PTPRC: variants seen among roughly 807,000 people sequenced by gnomAD.
The protein encoded by PTPRC is protein tyrosine phosphatase receptor type C, also known as receptor-type tyrosine-protein phosphatase C.
In PTPRC, 44 loss-of-function variants were observed where a neutral mutation model predicts 155.9. The ratio of observed to expected loss-of-function variants is 0.28; its 90% confidence interval spans 0.22 to 0.36. The LOEUF (loss-of-function observed/expected upper bound fraction) is 0.36. Among genes scored for constraint, PTPRC ranks in the 10% least tolerant of loss-of-function variants. PTPRC has a pLI of 1.00. For missense variants in PTPRC, 1,401 were observed against 1,564.6 expected, an observed-to-expected ratio of 0.90 and a Z score of 1.76; for synonymous variants, 525 against 533.1, an observed-to-expected ratio of 0.98 and a Z score of 0.21.
intron 23 of PTPRC, among the ~76,000 whole-genome samples, chr1:198,738,729 A>G (rs1171155564): frequency 6.6e-6 from 1 of 151,716 alleles, no homozygotes; most frequent in Non-Finnish European, 1.5e-5. Flanking sequence ...AATTGGTACT[A>G]GTTCTTCTTT....
intron 25 of PTPRC, 105 bp from the exon 26 acceptor site, chr1:198,743,949 G>A: frequency 4.4e-6 from 5 of 1,133,110 alleles, no homozygotes; most frequent in Non-Finnish European, 6.5e-6. Context: ...GCCATGAATT[G>A]TTCCAATATG....
At chr1:198,726,360 A>G (rs1224375333) in intron 15 of PTPRC, among the ~76,000 whole-genome samples, 1 of 152,206 alleles carries the variant, frequency 6.6e-6, no homozygotes, top group Non-Finnish European at 1.5e-5. Flanking sequence ...GCCTATTGCA[A>G]TAAGAACTTC....
At chr1:198,739,698 T>C (rs909477155) in intron 23 of PTPRC, among the ~76,000 whole-genome samples, 1 of 151,802 alleles carries the variant, frequency 6.6e-6, no homozygotes, top group East Asian at 1.9e-4. Context: ...CAAAGAAACA[T>C]TGGTCTTAAT....
chr1:198,750,773 C>T (rs1655346307), intron 29 of PTPRC, 147 bp downstream of exon 29: 2 of 1,055,500 alleles, frequency 1.9e-6, no homozygotes, highest in Admixed American at 3.8e-5. Flanking sequence ...CCCCTTTCAC[C>T]CTGGTGTTGG....
intron 2 of PTPRC, among the ~76,000 whole-genome samples, chr1:198,667,878 G>A (rs924621052): frequency 1.3e-5 from 2 of 152,158 alleles, no homozygotes; most frequent in Middle Eastern, 6.3e-3. Flanking sequence ...TCTAGGCAGT[G>A]CACAGCAAGA....
chr1:198,649,659 C>T (rs1663135928), intron 2 of PTPRC, among the ~76,000 whole-genome samples: 2 of 151,642 alleles, frequency 1.3e-5, no homozygotes, highest in Admixed American at 6.6e-5. Context: ...TCAGTTTCCT[C>T]GTGTGTAAAA....
At chr1:198,650,503 A>C (rs114659396) in intron 2 of PTPRC, among the ~76,000 whole-genome samples, 12 of 151,846 alleles carry the variant, frequency 7.9e-5, no homozygotes, top group African/African-American at 2.7e-4. Context: ...ATTTTAGAGA[A>C]TGACTTTTTT....
intron 24 of PTPRC, 69 bp from the exon 25 acceptor site, chr1:198,742,163 T>C (rs754669811): frequency 5.3e-5 from 86 of 1,607,542 alleles, no homozygotes; most frequent in Non-Finnish European, 7.1e-5. Context: ...GCTTAGATTC[T>C]TATATTGGCT....
At chr1:198,659,240 C>G (rs1465998157) in intron 2 of PTPRC, among the ~76,000 whole-genome samples, 1 of 152,156 alleles carries the variant, frequency 6.6e-6, no homozygotes, top group Non-Finnish European at 1.5e-5. Context: ...GTTCTCTTGT[C>G]TGTCACCACT....
At chr1:198,671,162 TTTCACTA>T (rs887065837) in intron 2 of PTPRC, among the ~76,000 whole-genome samples, 2 of 111,872 alleles carry the variant, frequency 1.8e-5, no homozygotes, top group African/African-American at 6.2e-5. Flanking sequence ...CACTCTCACT[TTTCACTA>T]ACCCATTTAC....
chr1:198,645,178 T>C (rs558661485), intron 2 of PTPRC, among the ~76,000 whole-genome samples: 1 of 151,948 alleles, frequency 6.6e-6, no homozygotes, highest in African/African-American at 2.4e-5. Context: ...TAGAAATCAC[T>C]GATAGACAAG....
intron 25 of PTPRC, 132 bp from the exon 26 acceptor site, chr1:198,743,922 A>G: frequency 1.2e-6 from 1 of 814,852 alleles, no homozygotes; most frequent in Non-Finnish European, 2.0e-6. Context: ...TAAATATTAT[A>G]GATATCAATT....
chr1:198,736,647 G>A (rs563430792), intron 23 of PTPRC, among the ~76,000 whole-genome samples: 3 of 151,612 alleles, frequency 2.0e-5, no homozygotes, highest in Admixed American at 1.3e-4. Context: ...TCCAATAAAC[G>A]TGGGAGTGCA....
At chr1:198,673,407 G>A (rs1391998535) in intron 2 of PTPRC, among the ~76,000 whole-genome samples, 2 of 152,026 alleles carry the variant, frequency 1.3e-5, no homozygotes, top group Non-Finnish European at 2.9e-5. Flanking sequence ...CTGAAATAGA[G>A]GTAATAATTA....
At chr1:198,717,982 A>G in intron 13 of PTPRC, 112 bp from the exon 14 acceptor site, 2 of 894,252 alleles carry the variant, frequency 2.2e-6, no homozygotes, top group African/African-American at 1.7e-5. Flanking sequence ...TTCCTTATTT[A>G]TAACCCCCAA....
chr1:198,665,080 A>AT (rs574626185), intron 2 of PTPRC, among the ~76,000 whole-genome samples: 19,336 of 60,056 alleles, frequency 0.32, 5,359 homozygotes, highest in Non-Finnish European at 0.44. Context: ...TCCCGGCAGC[A>AT]TTTTTTTTTT....
intron 2 of PTPRC, among the ~76,000 whole-genome samples, chr1:198,645,056 A>G (rs1204783639): frequency 6.6e-6 from 1 of 151,780 alleles, no homozygotes; most frequent in East Asian, 1.9e-4. Context: ...AAAACCATCC[A>G]CCCTCCAAAA....
At position 198,738,744 on chromosome 1, in the gene PTPRC, G is replaced by T. The variant is rs112088915; in HGVS notation, c.2404-3125G>T. On this transcript the variant is annotated intron_variant, in intron 23 of 32. Transcript: ENST00000442510. ...AATTGGTACTAGTTCTTCTTTAAAT[G>T]TTTGGTAAAATGTGGTAGTGAAGCC... Among the ~76,000 whole-genome samples, 1,237 of 151,726 alleles carry T rather than the reference G, an allele frequency of 8.2e-3. 19 individuals carry two copies. The highest frequency in any genetic ancestry group is 0.028 in the African/African-American group (1,181 of 41,458).
At chr1:198,644,164 T>A (rs981254609) in intron 2 of PTPRC, among the ~76,000 whole-genome samples, 2 of 151,916 alleles carry the variant, frequency 1.3e-5, no homozygotes, top group Non-Finnish European at 2.9e-5. Flanking sequence ...ATGTAGTTAT[T>A]TACATGGGAA....
Sources: gnomAD v4.1 joint callset for allele counts (sites outside exome capture counted in the v4.1 genomes callset) on GRCh38, gnomAD v4.1.1 for gene constraint, MANE v1.5 for transcripts, NCBI Gene and HGNC (gene_info 2026-07-23, HGNC 2026-07-21) for gene names.